Variants in ACYP2 observed in about 807,000 individuals in gnomAD.
ACYP2 encodes the protein acylphosphatase-2.
In ACYP2, 12 loss-of-function variants were observed where a neutral mutation model predicts 11.2. That is an observed-to-expected ratio of 1.08 (90% confidence interval 0.69 to 1.74). The LOEUF (loss-of-function observed/expected upper bound fraction) is 1.74, where lower values mean the gene tolerates loss of function less well. Among genes scored for constraint, ACYP2 ranks in the 40% most tolerant of loss-of-function variants. The pLI is 0.00. For synonymous variants in ACYP2, 43 were observed against 32.2 expected, an observed-to-expected ratio of 1.33 and a Z score of -1.13; for missense variants, 134 against 101.9, an observed-to-expected ratio of 1.31 and a Z score of -1.35.
intron 6 of ACYP2, among the ~76,000 whole-genome samples, chr2:54,171,009 T>C (rs1683199770): frequency 6.6e-6 from 1 of 152,156 alleles, no homozygotes; most frequent in African/African-American, 2.4e-5. Context: ...ACTGGGAGGC[T>C]ATCAAGACTA....
rs552967664 is a variant in ACYP2, at chr2:54,112,495, C to G, written c.278-22958C>G. Among the ~76,000 whole-genome samples the G allele has an allele frequency of 3.9e-5, 6 of 152,244 alleles. No individual in the cohort carries two copies. In the South Asian group the frequency reaches 1.2e-3, roughly 32 times the overall value. On this transcript the variant is annotated intron_variant, in intron 4 of 6. Transcript: ENST00000607452. ...ATGCTTATACCCTTGATTTGATATTCCAACTTCAATTAAAAATATGTGGGA... is the reference window on the plus strand; with the variant it reads ...ATGCTTATACCCTTGATTTGATATTGCAACTTCAATTAAAAATATGTGGGA...
intron 2 of ACYP2, among the ~76,000 whole-genome samples, chr2:53,995,037 A>T (rs965787161): frequency 6.6e-6 from 1 of 152,186 alleles, no homozygotes; most frequent in African/African-American, 2.4e-5. Context: ...TCAGTGTCTC[A>T]TGAAAAGAAG....
At chr2:53,988,584 ATAAATATATATGTG>A (rs939534090) in intron 2 of ACYP2, among the ~76,000 whole-genome samples, 2 of 151,738 alleles carry the variant, frequency 1.3e-5, no homozygotes, top group Non-Finnish European at 2.9e-5. Flanking sequence ...GTATATGTAT[ATAAATATATATGTG>A]TGTATTTTGT....
At chr2:54,002,597 G>A (rs7598690) in intron 2 of ACYP2, among the ~76,000 whole-genome samples, 4 of 149,544 alleles carry the variant, frequency 2.7e-5, no homozygotes, top group African/African-American at 1.0e-4. Flanking sequence ...CACCTGCCTC[G>A]GCCTCCCAAA....
chr2:54,230,202 T>G (rs190499961), intron 6 of ACYP2, among the ~76,000 whole-genome samples: 29 of 152,318 alleles, frequency 1.9e-4, no homozygotes, highest in African/African-American at 7.0e-4. Flanking sequence ...CTTCCTTTCT[T>G]TCCAGATACA....
chr2:54,010,619 A>G (rs1447982899), intron 2 of ACYP2, among the ~76,000 whole-genome samples: 1 of 152,096 alleles, frequency 6.6e-6, no homozygotes, highest in Admixed American at 6.6e-5. Context: ...TTAATTAAAA[A>G]TTTTGATAGG....
In ACYP2 at chr2:54,037,144, G is replaced by A. The variant is rs536995254; in HGVS notation, c.63-13814G>A. Among the ~76,000 whole-genome samples the A allele has an allele frequency of 3.9e-5, 6 of 152,086 alleles. No homozygotes were observed. In the South Asian group the frequency reaches 1.0e-3, roughly 26 times the overall value. On this transcript the variant is annotated intron_variant, in intron 2 of 6. Coordinates refer to ENST00000607452, the MANE Select transcript of ACYP2 (RefSeq NM_001320586.2). ...GTTTTGTTTTTTAAGACAGAATCTC[G>A]CTCTGTCACCCAGGTTGGAGTGCAG...
chr2:54,153,655 A>C (rs1308327181), intron 6 of ACYP2, among the ~76,000 whole-genome samples: 2 of 147,010 alleles, frequency 1.4e-5, no homozygotes, highest in Non-Finnish European at 1.5e-5. Flanking sequence ...GCTGGAGTGC[A>C]GTGGCGTGAT....
intron 6 of ACYP2, among the ~76,000 whole-genome samples, chr2:54,207,388 C>G (rs1351412047): frequency 6.6e-6 from 1 of 152,112 alleles, no homozygotes; most frequent in Non-Finnish European, 1.5e-5. Flanking sequence ...CTCTCAGAAG[C>G]CTCAGTCTTT....
At chr2:54,044,663 C>T (rs749217209) in intron 2 of ACYP2, among the ~76,000 whole-genome samples, 2 of 151,792 alleles carry the variant, frequency 1.3e-5, no homozygotes, top group South Asian at 4.2e-4. Flanking sequence ...CCTACAATTA[C>T]AAGGATATGA....
At chr2:54,105,196 C>T (rs537694661) in intron 4 of ACYP2, among the ~76,000 whole-genome samples, 1 of 152,276 alleles carries the variant, frequency 6.6e-6, no homozygotes, top group Admixed American at 6.5e-5. Flanking sequence ...TCCACCGTGG[C>T]TTCCACAGCC....
rs369146642 is a variant in ACYP2, at chr2:54,096,921, G to A, written c.278-38532G>A. ...GACGGGGTCTTGCTATGTTGGCCAG[G>A]TTGGTCTTGAACTCTTGACCTCAAG... is the stretch of plus-strand genomic sequence containing the variant. On this transcript the variant is annotated intron_variant, in intron 4 of 6. Transcript: ENST00000607452. Among the ~76,000 whole-genome samples, 31 of 152,280 alleles carry A rather than the reference G, an allele frequency of 2.0e-4. 1 individual carries two copies. The East Asian group carries it at 5.8e-3, about 28-fold the overall frequency.
rs141525975 is a variant in ACYP2, at chr2:54,135,148, G to A, written c.278-305G>A. ...GCACTGCAGTACCACCAAGTCAGTC[G>A]ATCTGATAACCAAGAGAGTGTCTAC... On this transcript the variant is annotated intron_variant, in intron 4 of 6. Transcript: ENST00000607452. 3.3e-5 allele frequency among the ~76,000 whole-genome samples: 5 copies of A among 152,296 alleles called. No homozygotes were observed. The East Asian group carries it at 9.6e-4, about 29-fold the overall frequency.
At chr2:54,045,615 G>A (rs780353397) in intron 2 of ACYP2, among the ~76,000 whole-genome samples, 5 of 148,640 alleles carry the variant, frequency 3.4e-5, no homozygotes, top group African/African-American at 5.0e-5. Flanking sequence ...AGGAGATCGA[G>A]ACCATCCTGG....
intron 6 of ACYP2, among the ~76,000 whole-genome samples, chr2:54,177,208 A>G (rs1413574273): frequency 6.6e-6 from 1 of 152,006 alleles, no homozygotes; most frequent in Admixed American, 6.6e-5. Context: ...TTTGCCCTCT[A>G]CCTTCCAGTT....
intron 6 of ACYP2, among the ~76,000 whole-genome samples, chr2:54,268,380 A>C (rs901826492): frequency 3.3e-5 from 5 of 152,192 alleles, no homozygotes; most frequent in African/African-American, 1.2e-4. Context: ...GATTAAGGAA[A>C]CCTGGTCGAT....
chr2:54,135,534 T>C, intron 5 of ACYP2, 65 bp downstream of exon 2: 1 of 1,452,532 alleles, frequency 6.9e-7, no homozygotes, highest in Non-Finnish European at 9.5e-7. Context: ...ATTACAGAGA[T>C]AGGGCAGTTT....
chr2:54,007,160 AAAAAGAAAGAAAG>A (rs1558467389), intron 2 of ACYP2, among the ~76,000 whole-genome samples: 2 of 143,790 alleles, frequency 1.4e-5, no homozygotes, highest in East Asian at 2.0e-4. Flanking sequence ...AAAAAAAAAA[AAAAAGAAAGAAAG>A]AAAGAAAGAA....
intron 2 of ACYP2, among the ~76,000 whole-genome samples, chr2:53,983,626 T>C (rs1164571277): frequency 6.6e-6 from 1 of 152,180 alleles, no homozygotes; most frequent in Non-Finnish European, 1.5e-5. Context: ...TATATACGGC[T>C]GAAGCAGAGT....
Sources: gnomAD v4.1 joint callset for allele counts (sites outside exome capture counted in the v4.1 genomes callset) on GRCh38, gnomAD v4.1.1 for gene constraint, MANE v1.5 for transcripts, NCBI Gene and HGNC (gene_info 2026-07-23, HGNC 2026-07-21) for gene names.